Variants in WDPCP observed in about 807,000 individuals in gnomAD.
WDPCP encodes WD repeat containing planar cell polarity effector.
A neutral mutation model predicts 93.1 loss-of-function variants in WDPCP; 71 were observed. That is an observed-to-expected ratio of 0.76 (90% CI 0.63 to 0.93). The LOEUF (loss-of-function observed/expected upper bound fraction) is 0.93, where lower values mean the gene tolerates loss of function less well. Among genes scored for constraint, WDPCP ranks in the 40% least tolerant of loss-of-function variants. WDPCP has a pLI of 0.00. For missense variants in WDPCP, 844 were observed against 887.4 expected, an observed-to-expected ratio of 0.95 and a Z score of 0.62; for synonymous variants, 315 against 315.0, an observed-to-expected ratio of 1.00 and a Z score of 0.00.
chr2:63,198,750 G>GA (rs1462299796), intron 14 of WDPCP, among the ~76,000 whole-genome samples: 9 of 152,260 alleles, frequency 5.9e-5, no homozygotes, highest in Admixed American at 2.6e-4. Context: ...AGCAGTGTGA[G>GA]AAAGGACTAA....
chr2:63,584,733 G>T (rs1462435492), intron 1 of WDPCP, among the ~76,000 whole-genome samples: 1 of 152,056 alleles, frequency 6.6e-6, no homozygotes, highest in East Asian at 1.9e-4. Flanking sequence ...TGATCACTCT[G>T]TGTTATTAGC....
chr2:63,226,745 A>G (rs975478972), intron 14 of WDPCP, among the ~76,000 whole-genome samples: 80 of 152,012 alleles, frequency 5.3e-4, no homozygotes, highest in African/African-American at 1.8e-3. Context: ...TTTACTAGAA[A>G]TATTATGTTT....
rs557263750 is a variant in WDPCP at position 63,185,802 on chromosome 2, G to C, written c.1916-10970C>G. Reference sequence around the variant, plus strand: ...GAAACTCTCCAGTGTCCCAGGCAATGGGCTGGATTATGGAATGCTCAGTGG... The same window carrying C: ...GAAACTCTCCAGTGTCCCAGGCAATCGGCTGGATTATGGAATGCTCAGTGG... On this transcript the variant is annotated intron_variant, in intron 14 of 17. Coordinates refer to ENST00000272321, the MANE Select transcript of WDPCP (RefSeq NM_015910.7). Among the ~76,000 whole-genome samples the C allele has an allele frequency of 3.3e-5, 5 of 152,296 alleles. No homozygotes were observed. The East Asian group carries it at 9.7e-4, about 29-fold the overall frequency.
chr2:63,763,373 C>T (rs573320313), intron 2 of WDPCP, among the ~76,000 whole-genome samples: 25 of 151,966 alleles, frequency 1.6e-4, no homozygotes, highest in African/African-American at 5.5e-4. Context: ...GGCATGGTGG[C>T]ACACCTGTAA....
At chr2:63,610,272 T>C (rs906663321) in intron 3 of WDPCP, among the ~76,000 whole-genome samples, 2 of 152,198 alleles carry the variant, frequency 1.3e-5, no homozygotes, top group Non-Finnish European at 2.9e-5. Context: ...TTAAGAAGCT[T>C]TCCAAAAGAG....
At chr2:63,807,242 G>C (rs1436030430) in intron 2 of WDPCP, among the ~76,000 whole-genome samples, 2 of 152,206 alleles carry the variant, frequency 1.3e-5, no homozygotes, top group African/African-American at 4.8e-5. Flanking sequence ...ATTATTGGAG[G>C]AGGGGGTCTA....
At chr2:63,352,310 T>G (rs1338166943) in intron 12 of WDPCP, among the ~76,000 whole-genome samples, 1 of 152,142 alleles carries the variant, frequency 6.6e-6, no homozygotes, top group Non-Finnish European at 1.5e-5. Context: ...TTTTTAAAAG[T>G]TGAAAATGTT....
intron 12 of WDPCP, among the ~76,000 whole-genome samples, chr2:63,313,886 A>ATGTGTGTGTGTATATTT: frequency 9.4e-5 from 7 of 74,502 alleles, no homozygotes; most frequent in East Asian, 3.9e-4. Flanking sequence ...ATATATATAT[A>ATGTGTGTGTGTATATTT]TTTTTTTTTT....
At chr2:63,725,316 A>T (rs1009551412) in intron 2 of WDPCP, among the ~76,000 whole-genome samples, 2 of 152,116 alleles carry the variant, frequency 1.3e-5, no homozygotes, top group African/African-American at 4.8e-5. Context: ...CTGTTTCTGC[A>T]TTAATTTGCT....
intron 12 of WDPCP, among the ~76,000 whole-genome samples, chr2:63,353,062 C>T (rs1427305730): frequency 1.3e-5 from 2 of 152,076 alleles, no homozygotes; most frequent in Non-Finnish European, 2.9e-5. Flanking sequence ...AGGACGATGG[C>T]CCACCCGGAA....
chr2:63,709,090 G>A lies in WDPCP; in HGVS notation n.309-58252C>T, dbSNP rs111760751. On this transcript the variant is annotated intron_variant and non_coding_transcript_variant, in intron 2 of 4. Coordinates refer to the WDPCP transcript ENST00000467687. ...AAAAAAAAAAAAAAAAAAATGACCC[G>A]GGCTTGGTGATGTATGCCTGTAATC... Among the ~76,000 whole-genome samples, 250 of 87,730 alleles carry A rather than the reference G, an allele frequency of 2.8e-3. 12 individuals carry two copies. Among genetic ancestry groups the A allele is most frequent in the East Asian group, 4.8e-3 (21 of 4,330 alleles). 57.6% of individuals were successfully genotyped at this position (87,730 alleles called of 152,430 possible).
intron 10 of WDPCP, among the ~76,000 whole-genome samples, chr2:63,402,719 T>C (rs1214141815): frequency 6.6e-6 from 1 of 152,108 alleles, no homozygotes; most frequent in Non-Finnish European, 1.5e-5. Flanking sequence ...CTTGGCTCAC[T>C]GCAAGCTCCG....
intron 13 of WDPCP, among the ~76,000 whole-genome samples, chr2:63,264,411 G>A (rs552241185): frequency 2.4e-4 from 36 of 152,276 alleles, no homozygotes; most frequent in African/African-American, 6.0e-4. Flanking sequence ...AGGCCGAGGC[G>A]GGTGGATCAC....
At chr2:63,737,807 T>C (rs1669659372) in intron 2 of WDPCP, among the ~76,000 whole-genome samples, 1 of 152,268 alleles carries the variant, frequency 6.6e-6, no homozygotes, top group African/African-American at 2.4e-5. Context: ...TTGTTTTTCA[T>C]TTGAATCTCA....
chr2:63,531,116 G>A (rs1282482516), intron 1 of WDPCP, among the ~76,000 whole-genome samples: 1 of 152,212 alleles, frequency 6.6e-6, no homozygotes, highest in African/African-American at 2.4e-5. Flanking sequence ...AGATCGAACT[G>A]TGAGGCAGCA....
At chr2:63,157,812 C>A (rs553387264) in intron 15 of WDPCP, among the ~76,000 whole-genome samples, 1 of 152,050 alleles carries the variant, frequency 6.6e-6, no homozygotes, top group African/African-American at 2.4e-5. Context: ...TTTTGTTGAT[C>A]TTTTCAAACA....
intron 6 of WDPCP, among the ~76,000 whole-genome samples, chr2:63,446,843 C>G (rs1261153682): frequency 1.3e-5 from 2 of 152,210 alleles, no homozygotes; most frequent in Non-Finnish European, 2.9e-5. Context: ...TCTCTGCTCA[C>G]CAATCAGCCT....
intron 3 of WDPCP, among the ~76,000 whole-genome samples, chr2:63,637,347 G>A (rs1343223931): frequency 2.1e-5 from 3 of 140,570 alleles, no homozygotes; most frequent in South Asian, 2.3e-4. Context: ...GAAAGACTCC[G>A]TCTCACAAAA....
At chr2:63,125,919 G>GT (rs955248650) in intron 17 of WDPCP, among the ~76,000 whole-genome samples, 10 of 138,662 alleles carry the variant, frequency 7.2e-5, no homozygotes, top group Admixed American at 2.2e-4. Flanking sequence ...CTGCTTTTCA[G>GT]TTTTTTTTTA....
Sources: allele counts gnomAD v4.1 joint callset (sites outside exome capture counted in the v4.1 genomes callset), GRCh38; gene constraint gnomAD v4.1.1; transcripts MANE v1.5; gene names NCBI Gene and HGNC (gene_info 2026-07-23, HGNC 2026-07-21).